EHBP1: variants seen among roughly 807,000 people sequenced by gnomAD.
EHBP1 encodes the protein EH domain-binding protein 1.
EHBP1 carries 55 observed loss-of-function variants against 144.0 expected under a neutral mutation model. The observed-to-expected ratio is 0.38, with a 90% confidence interval of 0.31 to 0.48. EHBP1 has a LOEUF of 0.48. Ranked by LOEUF, EHBP1 falls within the 20% of genes least tolerant of loss-of-function variation. The pLI is 0.98. For synonymous variants in EHBP1, 469 were observed against 472.7 expected, an observed-to-expected ratio of 0.99 and a Z score of 0.10; for missense variants, 1,200 against 1,364.2, an observed-to-expected ratio of 0.88 and a Z score of 1.90.
chr2:62,889,046 T>TC, intron 10 of EHBP1, among the ~76,000 whole-genome samples: 1 of 97,768 alleles, frequency 1.0e-5, no homozygotes, highest in East Asian at 3.3e-4. Context: ...AGTAGGTACC[T>TC]CTTTTTTTTT....
chr2:62,711,833 T>C (rs1487491074), intron 2 of EHBP1, among the ~76,000 whole-genome samples: 2 of 152,088 alleles, frequency 1.3e-5, no homozygotes, highest in East Asian at 1.9e-4. Context: ...AAGGTGACCG[T>C]TGGATTTGGC....
At chr2:62,862,727 A>C (rs1170808077) in intron 8 of EHBP1, among the ~76,000 whole-genome samples, 1 of 152,366 alleles carries the variant, frequency 6.6e-6, no homozygotes, top group East Asian at 1.9e-4. Context: ...AATTTCAATA[A>C]TCAATTTCCT....
At chr2:62,955,812 C>G (rs895922188) in intron 14 of EHBP1, 152 bp downstream of exon 14, 1 of 758,198 alleles carries the variant, frequency 1.3e-6, no homozygotes, top group South Asian at 3.0e-5. Flanking sequence ...AAGATAAATT[C>G]ATACTTGTAG....
At chr2:62,738,972 A>T (rs72807570) in intron 2 of EHBP1, among the ~76,000 whole-genome samples, 25 of 152,252 alleles carry the variant, frequency 1.6e-4, no homozygotes, top group Non-Finnish European at 3.2e-4. Flanking sequence ...CGCATTTAAG[A>T]GGGAGACTGT....
chr2:62,857,317 G>T (rs969876202), intron 7 of EHBP1, among the ~76,000 whole-genome samples: 1 of 152,080 alleles, frequency 6.6e-6, no homozygotes, highest in Non-Finnish European at 1.5e-5. Flanking sequence ...TCTATAGATC[G>T]TAAATTCCAC....
chr2:62,891,248 T>C (rs1012692173), intron 10 of EHBP1, among the ~76,000 whole-genome samples: 47 of 152,028 alleles, frequency 3.1e-4, no homozygotes, highest in African/African-American at 1.0e-3. Flanking sequence ...GAATATAAAC[T>C]GTAAATTCAC....
chr2:62,862,208 G>A (rs1234631521), intron 8 of EHBP1, among the ~76,000 whole-genome samples: 4 of 152,142 alleles, frequency 2.6e-5, no homozygotes, highest in Non-Finnish European at 5.9e-5. Context: ...TCTCCATGGT[G>A]TACAGACTTT....
intron 19 of EHBP1, among the ~76,000 whole-genome samples, chr2:63,008,853 TTGAA>T (rs755608270): frequency 6.6e-6 from 1 of 151,620 alleles, no homozygotes; most frequent in Non-Finnish European, 1.5e-5. Context: ...GATCTAAGTG[TTGAA>T]TGAATAAGCC....
chr2:62,777,977 T>C (rs1281366497), intron 5 of EHBP1, among the ~76,000 whole-genome samples: 1 of 152,210 alleles, frequency 6.6e-6, no homozygotes, highest in Non-Finnish European at 1.5e-5. Context: ...CTTTTTGTTT[T>C]GTAACTGTTA....
At chr2:62,833,098 G>A (rs1349605727) in intron 7 of EHBP1, among the ~76,000 whole-genome samples, 2 of 152,120 alleles carry the variant, frequency 1.3e-5, no homozygotes, top group African/African-American at 2.4e-5. Context: ...AGCTTTAATG[G>A]TCTGGATAGA....
intron 13 of EHBP1, 138 bp from the exon 14 acceptor site, chr2:62,955,379 T>C: frequency 1.3e-6 from 1 of 767,968 alleles, no homozygotes; most frequent in Non-Finnish European, 2.0e-6. Flanking sequence ...ATTAATATTC[T>C]CTATAGGTAA....
intron 10 of EHBP1, among the ~76,000 whole-genome samples, chr2:62,879,548 C>A (rs1288581398): frequency 3.2e-5 from 1 of 31,352 alleles, no homozygotes; most frequent in African/African-American, 1.9e-4. Context: ...TTCACAATAA[C>A]ACACACACAC....
intron 7 of EHBP1, among the ~76,000 whole-genome samples, chr2:62,834,024 A>G (rs1391963336): frequency 6.6e-6 from 1 of 152,198 alleles, no homozygotes; most frequent in Non-Finnish European, 1.5e-5. Context: ...AAAAATAGCA[A>G]GAGGATCAGC....
chr2:63,029,653 A>G (rs2061146805), intron 19 of EHBP1, among the ~76,000 whole-genome samples: 1 of 152,158 alleles, frequency 6.6e-6, no homozygotes, highest in Non-Finnish European at 1.5e-5. Context: ...AGAGATGAAG[A>G]AACTGAGGTT....
chr2:62,728,453 T>C (rs542933494), intron 2 of EHBP1, among the ~76,000 whole-genome samples: 6 of 152,360 alleles, frequency 3.9e-5, no homozygotes, highest in South Asian at 2.1e-4. Context: ...TAAAGTGTTA[T>C]ATCATTGTGG....
At chr2:62,740,698 T>A (rs1253161646) in intron 2 of EHBP1, among the ~76,000 whole-genome samples, 1 of 152,172 alleles carries the variant, frequency 6.6e-6, no homozygotes, top group Non-Finnish European at 1.5e-5. Context: ...TCCTGGATTC[T>A]GTGGTGAGAC....
chr2:62,753,715 C>T (rs1458525416), intron 3 of EHBP1, among the ~76,000 whole-genome samples: 1 of 152,132 alleles, frequency 6.6e-6, no homozygotes, highest in Non-Finnish European at 1.5e-5. Context: ...TCTTTTTTCT[C>T]TAAACTTCTC....
intron 4 of EHBP1, 100 bp from the exon 5 acceptor site, chr2:62,771,239 A>G: frequency 5.7e-6 from 4 of 706,050 alleles, no homozygotes; most frequent in Non-Finnish European, 9.0e-6. Flanking sequence ...TTTAAAAGCT[A>G]GTAAAAGCTA....
At chr2:62,724,170 C>T (rs1019341535) in intron 2 of EHBP1, among the ~76,000 whole-genome samples, 4 of 152,108 alleles carry the variant, frequency 2.6e-5, no homozygotes, top group African/African-American at 9.7e-5. Flanking sequence ...TTATTTGTTC[C>T]TTTTCATTCT....
Sources: allele counts gnomAD v4.1 joint callset (sites outside exome capture counted in the v4.1 genomes callset), GRCh38; gene constraint gnomAD v4.1.1; transcripts MANE v1.5; gene names NCBI Gene and HGNC (gene_info 2026-07-23, HGNC 2026-07-21).